The following GNG7 variants were observed in gnomAD, a reference collection of about 807,000 sequenced individuals.
The protein encoded by GNG7 is guanine nucleotide-binding protein G(I)/G(S)/G(O) subunit gamma-7.
A neutral mutation model predicts 4.0 loss-of-function variants in GNG7; 1 was observed. That is an observed-to-expected ratio of 0.25 (90% CI 0.09 to 1.18). The LOEUF is 1.18. Among genes scored for constraint, GNG7 ranks in the 50% most tolerant of loss-of-function variants. The pLI is 0.50. For synonymous variants in GNG7, 34 were observed against 36.9 expected (o/e 0.92, Z 0.29); for missense variants, 86 against 91.9 (o/e 0.94, Z 0.26).
chr19:2,696,352 AAAG>A (rs1913261857), intron 1 of GNG7, among the ~76,000 whole-genome samples: 1 of 147,688 alleles, frequency 6.8e-6, no homozygotes, highest in South Asian at 2.1e-4. Context: ...GAAAGAAAAG[AAAG>A]AAAAGAAAGA....
chr19:2,696,290 GAGAGAAAGAAAGAAAGAAAGAA>G (rs1411647926), intron 1 of GNG7, among the ~76,000 whole-genome samples: 9 of 126,820 alleles, frequency 7.1e-5, no homozygotes, highest in African/African-American at 1.2e-4. Flanking sequence ...AAAAGAGAGA[GAGAGAAAGAAAGAAAGAAAGAA>G]AGAAAGAAAG....
At position 2,661,294 on chromosome 19, in the gene GNG7, G is replaced by GAA. The variant is rs1289528805; in HGVS notation, c.-134-15016_-134-15015dup. 3.6e-3 allele frequency among the ~76,000 whole-genome samples: 155 copies of GAA among 42,496 alleles called. 7 individuals carry two copies. Among genetic ancestry groups the GAA allele is most frequent in the African/African-American group, 0.017 (146 of 8,842 alleles). The allele number at this position is 42,496 out of a possible 152,430, so 27.9% of individuals were successfully genotyped here. A position where few individuals can be genotyped will look rare whatever the true frequency, so the allele number is the denominator to read the frequency against. On this transcript the variant is annotated intron_variant, in intron 1 of 4. Coordinates refer to ENST00000382159, the MANE Select transcript of GNG7 (RefSeq NM_052847.3). ...GAAAAGAAAGAAAGAAAGAAAGAAA[G>GAA]AAAGAAAGAGAAAGAAAGAAAGAAA...
chr19:2,668,042 C>A (rs1348081855), intron 1 of GNG7, among the ~76,000 whole-genome samples: 1 of 152,144 alleles, frequency 6.6e-6, no homozygotes. Context: ...GAAATCTGAA[C>A]AGAGTGCAGA....
rs1337889396 is a variant in GNG7, at chr19:2,614,891, G to A, written c.-78+31333C>T. Among the ~76,000 whole-genome samples, 1 of 152,198 alleles carries A rather than the reference G, an allele frequency of 6.6e-6. No homozygotes were observed. Among genetic ancestry groups the A allele is most frequent in the Non-Finnish European group, 1.5e-5 (1 of 68,040 alleles). ...GTTTCCAAGGCGGCTGCCCCATCTT[G>A]CATCACACATCAATTCTCAATGCCA... On this transcript the variant is annotated intron_variant, in intron 2 of 4. Transcript: ENST00000382159. The surrounding 1 kb of genome is among the most constrained non-coding windows in gnomAD (Gnocchi z 6.0).
rs1417104592 is a variant in GNG7, at chr19:2,513,020, C to G, written c.*2002G>C. The G allele has an allele frequency of 4.1e-6, 4 of 985,356 alleles. No individual in the cohort carries two copies. In the African/African-American group the frequency reaches 7.0e-5, roughly 17 times the overall value. 61.0% of individuals were successfully genotyped at this position (985,356 alleles called of 1,614,324 possible). A position where few individuals can be genotyped will look rare whatever the true frequency, so the allele number is the denominator to read the frequency against. On this transcript the variant is annotated 3_prime_UTR_variant, in exon 5 of 5. Coordinates refer to ENST00000382159, the MANE Select transcript of GNG7 (RefSeq NM_052847.3). ...GTTTGGCGGGTAGGGCTCCCCGAAG[C>G]CCCAGCCCTCCCGGACCTGCCGTAG...
chr19:2,612,120 A>G (rs7258235), intron 2 of GNG7, among the ~76,000 whole-genome samples: 20,135 of 152,014 alleles, frequency 0.13, 2,089 homozygotes, highest in African/African-American at 0.29. Flanking sequence ...TGATCCGCCT[A>G]CCCTGGCCTC....
chr19:2,611,006 G>GT lies in GNG7; in HGVS notation c.-78+35217_-78+35218insA, dbSNP rs1173327203. 9.7e-6 allele frequency: 1 copy of GT among 103,070 alleles called. No individual in the cohort carries two copies. The allele number at this position is 103,070 out of a possible 1,614,324, so 6.4% of individuals were successfully genotyped here. ...GGAACGGGCTCACGTGCCAGGCTCG[G>GT]GGGGGGGGAAGCGTCCTCAACATTC... On this transcript the variant is annotated intron_variant, in intron 2 of 4. Transcript: ENST00000382159. The surrounding 1 kb of genome is among the most constrained non-coding windows in gnomAD (Gnocchi z 6.0).
intron 2 of GNG7, among the ~76,000 whole-genome samples, chr19:2,620,226 AGAGGGGAGGG>A (rs1176135635): frequency 6.7e-4 from 38 of 56,536 alleles, no homozygotes; most frequent in East Asian, 3.7e-3. Context: ...AGAAAAGAGG[AGAGGGGAGGG>A]GAGGGGAGGG....
intron 3 of GNG7, among the ~76,000 whole-genome samples, chr19:2,543,438 C>T (rs1229893796): frequency 6.6e-6 from 1 of 151,958 alleles, no homozygotes; most frequent in Non-Finnish European, 1.5e-5. Context: ...TTGCTCAGGC[C>T]AGTCTCAAAC....
chr19:2,512,895 T>C lies in GNG7; in HGVS notation c.*2127A>G. The C allele has an allele frequency of 8.1e-6, 8 of 984,634 alleles. No individual in the cohort carries two copies. In the South Asian group the frequency reaches 3.3e-4, roughly 41 times the overall value. 61.0% of individuals were successfully genotyped at this position (984,634 alleles called of 1,614,324 possible). A position where few individuals can be genotyped will look rare whatever the true frequency, so the allele number is the denominator to read the frequency against. On this transcript the variant is annotated 3_prime_UTR_variant, in exon 5 of 5. Coordinates refer to ENST00000382159, the MANE Select transcript of GNG7 (RefSeq NM_052847.3). The surrounding 1 kb of genome is among the most constrained non-coding windows in gnomAD (Gnocchi z 4.7). ...CCCTTCCTGCCATTCCTGCTATGCG[T>C]GGTGGGGACGCCCACACCCCAAACC... is the stretch of plus-strand genomic sequence containing the variant.
intron 1 of GNG7, among the ~76,000 whole-genome samples, chr19:2,676,321 C>T (rs1168897537): frequency 2.0e-5 from 3 of 152,186 alleles, no homozygotes; most frequent in Admixed American, 6.5e-5. Flanking sequence ...CACAGAGACC[C>T]TCCCCTAGGC....
chr19:2,666,194 CAG>C (rs1229907818), intron 1 of GNG7, among the ~76,000 whole-genome samples: 1 of 151,076 alleles, frequency 6.6e-6, no homozygotes, highest in Admixed American at 6.6e-5. Context: ...TATTTTGAGA[CAG>C]AGTCTTGCTC....
chr19:2,536,598 C>T (rs964016092), intron 3 of GNG7, among the ~76,000 whole-genome samples: 4 of 152,280 alleles, frequency 2.6e-5, no homozygotes, highest in East Asian at 3.9e-4. Flanking sequence ...AGAGCACTGC[C>T]GCACTGAAGC....
At chr19:2,556,450 C>T (rs1489513990) in intron 2 of GNG7, among the ~76,000 whole-genome samples, 1 of 152,070 alleles carries the variant, frequency 6.6e-6, no homozygotes, top group Non-Finnish European at 1.5e-5. Context: ...TCTCTGAAGC[C>T]GGCCAGGCCC....
At chr19:2,673,283 CAAAACAAAAA>C (rs1351383673) in intron 1 of GNG7, among the ~76,000 whole-genome samples, 3 of 130,978 alleles carry the variant, frequency 2.3e-5, no homozygotes, top group Admixed American at 7.9e-5. Context: ...CAAAACAAAA[CAAAACAAAAA>C]AAAACCCAGC....
intron 2 of GNG7, among the ~76,000 whole-genome samples, chr19:2,580,203 C>T (rs1435801676): frequency 1.3e-5 from 2 of 152,100 alleles, no homozygotes; most frequent in East Asian, 1.9e-4. Flanking sequence ...ACATTGGTCC[C>T]GGCCTGGCCT....
intron 2 of GNG7, among the ~76,000 whole-genome samples, chr19:2,627,073 T>G (rs1026965150): frequency 5.3e-5 from 8 of 152,124 alleles, no homozygotes; most frequent in African/African-American, 1.9e-4. Flanking sequence ...CACTCAGGTG[T>G]GGATTTCAAT....
At chr19:2,542,881 CTTTTTTTT>C (rs60152060) in intron 3 of GNG7, among the ~76,000 whole-genome samples, 1 of 118,350 alleles carries the variant, frequency 8.4e-6, no homozygotes, top group Non-Finnish European at 1.7e-5. Context: ...TGCTGTTTTC[CTTTTTTTT>C]TTTTTTTTTT....
intron 2 of GNG7, among the ~76,000 whole-genome samples, chr19:2,619,875 C>A (rs1229052808): frequency 6.6e-6 from 1 of 151,798 alleles, no homozygotes; most frequent in Non-Finnish European, 1.5e-5. Flanking sequence ...ATGTAAAAAC[C>A]GCTGAGCTGC....
Sources: gnomAD v4.1 joint callset for allele counts (sites outside exome capture counted in the v4.1 genomes callset) on GRCh38, gnomAD v4.1.1 for gene constraint, Gnocchi (gnomAD v3.1) non-coding constraint, MANE v1.5 for transcripts, NCBI Gene and HGNC (gene_info 2026-07-23, HGNC 2026-07-21) for gene names.